COMMD1: variants seen among roughly 807,000 people sequenced by gnomAD.
The protein encoded by COMMD1 is COMM domain-containing protein 1.
Under a neutral mutation model 17.2 loss-of-function variants are expected in COMMD1, and 10 were observed. The ratio of observed to expected loss-of-function variants is 0.58; its 90% CI spans 0.36 to 0.99. The LOEUF (loss-of-function observed/expected upper bound fraction) is 0.99. Among genes scored for constraint, COMMD1 ranks in the 50% least tolerant of loss-of-function variants. The pLI, the probability that COMMD1 is intolerant of heterozygous loss-of-function variation, is 0.01. For synonymous variants in COMMD1, 97 were observed against 91.6 expected (o/e 1.06, Z -0.34); for missense variants, 270 against 231.8 (o/e 1.17, Z -1.07).
chr2:61,897,325 G>A (rs924999508), intron 1 of COMMD1, among the ~76,000 whole-genome samples: 1 of 152,090 alleles, frequency 6.6e-6, no homozygotes, highest in Non-Finnish European at 1.5e-5. Flanking sequence ...GCTTCTTTGG[G>A]TCATTTCCTT....
intron 2 of COMMD1, among the ~76,000 whole-genome samples, chr2:62,131,909 T>C (rs932196368): frequency 6.7e-6 from 1 of 149,292 alleles, no homozygotes; most frequent in South Asian, 2.1e-4. Flanking sequence ...TTTTTTTTTT[T>C]AGACAGTCTC....
chr2:61,948,690 T>C (rs1159381787), intron 1 of COMMD1, among the ~76,000 whole-genome samples: 1 of 152,254 alleles, frequency 6.6e-6, no homozygotes, highest in Non-Finnish European at 1.5e-5. Flanking sequence ...AACAAATTGC[T>C]CAATATGAGG....
intron 2 of COMMD1, among the ~76,000 whole-genome samples, chr2:62,031,593 C>CA (rs1405509479): frequency 6.6e-6 from 1 of 152,096 alleles, no homozygotes; most frequent in Non-Finnish European, 1.5e-5. Context: ...ACTGAGGAGC[C>CA]AGGGTATCTG....
chr2:62,026,271 T>C (rs894696232), intron 2 of COMMD1, among the ~76,000 whole-genome samples: 5 of 152,202 alleles, frequency 3.3e-5, no homozygotes, highest in African/African-American at 4.8e-5. Flanking sequence ...GGAAGCATGG[T>C]GCTAGCATTT....
intron 2 of COMMD1, among the ~76,000 whole-genome samples, chr2:62,096,129 C>G (rs1318127289): frequency 6.6e-6 from 1 of 151,966 alleles, no homozygotes; most frequent in East Asian, 1.9e-4. Context: ...TAATGTCATT[C>G]CTACATTTTA....
Position 62,008,361 on chromosome 2 carries a change from GACAC to G in COMMD1, c.462+7405_462+7408del, listed in dbSNP as rs151332274. The stretch of plus-strand genomic sequence containing the variant: ...AATCTTTCATACACACACACAGACA[GACAC>G]ACACACACACACACACACACACACA... On this transcript the variant is annotated intron_variant, in intron 2 of 2. Transcript: ENST00000311832. 7.6e-3 allele frequency among the ~76,000 whole-genome samples: 1,118 copies of G among 146,622 alleles called. 17 individuals are homozygous for G. The highest frequency in any genetic ancestry group is 0.024 in the African/African-American group (970 of 40,170).
chr2:61,982,278 T>G (rs888377797), intron 1 of COMMD1, among the ~76,000 whole-genome samples: 4 of 152,246 alleles, frequency 2.6e-5, no homozygotes, highest in African/African-American at 9.6e-5. Context: ...ACTTTCTTGA[T>G]TTCTTTTTCA....
intron 1 of COMMD1, among the ~76,000 whole-genome samples, chr2:61,915,043 T>G (rs1670014620): frequency 6.6e-6 from 1 of 150,994 alleles, no homozygotes; most frequent in Non-Finnish European, 1.5e-5. Flanking sequence ...TTGCTCTTGT[T>G]GCCTATGCTG....
intron 2 of COMMD1, among the ~76,000 whole-genome samples, chr2:62,031,244 C>T (rs1200578351): frequency 6.6e-6 from 1 of 152,164 alleles, no homozygotes; most frequent in Non-Finnish European, 1.5e-5. Flanking sequence ...GTGAGCTAGG[C>T]CTCTGTATAA....
At chr2:61,924,669 T>G (rs533922266) in intron 1 of COMMD1, among the ~76,000 whole-genome samples, 156 of 152,250 alleles carry the variant, frequency 1.0e-3, no homozygotes, top group African/African-American at 3.4e-3. Flanking sequence ...CATTTCCTAT[T>G]GCGATGGCAA....
intron 1 of COMMD1, among the ~76,000 whole-genome samples, chr2:61,914,372 C>T (rs1669996138): frequency 6.6e-6 from 1 of 151,640 alleles, no homozygotes; most frequent in African/African-American, 2.4e-5. Context: ...AACCTTGTCT[C>T]TACTAAAAAT....
chr2:62,024,539 C>G (rs1225930550), intron 2 of COMMD1, among the ~76,000 whole-genome samples: 1 of 152,122 alleles, frequency 6.6e-6, no homozygotes, highest in African/African-American at 2.4e-5. Flanking sequence ...TCAGGAGGAA[C>G]TTTGAAGTTG....
At chr2:61,901,332 G>T (rs1382754560), upstream of COMMD1, among the ~76,000 whole-genome samples, 2 of 151,586 alleles carry the variant, frequency 1.3e-5, no homozygotes, top group African/African-American at 4.8e-5. Flanking sequence ...TTCATTGAAA[G>T]ATTTTTATTG....
chr2:61,943,535 G>A (rs1460522208), intron 1 of COMMD1, among the ~76,000 whole-genome samples: 1 of 152,118 alleles, frequency 6.6e-6, no homozygotes, highest in Non-Finnish European at 1.5e-5. Flanking sequence ...CATGAGGAGG[G>A]CTCAAAGTGA....
At chr2:61,964,509 C>G (rs1382748837) in intron 1 of COMMD1, among the ~76,000 whole-genome samples, 2 of 152,086 alleles carry the variant, frequency 1.3e-5, no homozygotes, top group East Asian at 3.9e-4. Flanking sequence ...GCACTACACC[C>G]TGGTCTTATA....
chr2:61,992,464 C>G (rs900339546), intron 1 of COMMD1, among the ~76,000 whole-genome samples: 1 of 152,112 alleles, frequency 6.6e-6, no homozygotes, highest in African/African-American at 2.4e-5. Context: ...GTGGGATGTT[C>G]TTGGTCAGGG....
upstream of COMMD1, chr2:61,888,560 T>A: frequency 6.3e-7 from 1 of 1,585,250 alleles, no homozygotes; most frequent in South Asian, 1.1e-5. Context: ...GGACCCGGAT[T>A]CTGGCCGGCC....
chr2:61,958,747 C>G (rs1671263327), intron 1 of COMMD1, among the ~76,000 whole-genome samples: 1 of 151,804 alleles, frequency 6.6e-6, no homozygotes, highest in Non-Finnish European at 1.5e-5. Context: ...TTTTATGTTT[C>G]TATAGTTTTA....
chr2:62,013,052 C>T (rs1558562008), intron 2 of COMMD1, among the ~76,000 whole-genome samples: 1 of 151,998 alleles, frequency 6.6e-6, no homozygotes, highest in South Asian at 2.1e-4. Flanking sequence ...GGGTTTTAAA[C>T]AAGGAAAGAT....
Sources: gnomAD v4.1 joint callset for allele counts (sites outside exome capture counted in the v4.1 genomes callset) on GRCh38, gnomAD v4.1.1 for gene constraint, MANE v1.5 for transcripts, NCBI Gene and HGNC (gene_info 2026-07-23, HGNC 2026-07-21) for gene names.